The following EPHA10 variants were observed in gnomAD, a reference collection of about 807,000 sequenced individuals.
EPHA10 encodes the protein ephrin type-A receptor 10.
A neutral mutation model predicts 109.7 loss-of-function variants in EPHA10; 120 were observed. The observed-to-expected ratio is 1.09, with a 90% CI of 0.94 to 1.27. The LOEUF is 1.27. Ranked by LOEUF, EPHA10 falls within the 50% of genes most tolerant of loss-of-function variation. The pLI, the probability that EPHA10 is intolerant of heterozygous loss-of-function variation, is 0.00. For synonymous variants in EPHA10, 640 were observed against 618.9 expected (o/e 1.03, Z -0.51); for missense variants, 1,396 against 1,411.1 (o/e 0.99, Z 0.17).
chr1:37,733,325 G>C (rs533662176), intron 6 of EPHA10, among the ~76,000 whole-genome samples: 1 of 151,906 alleles, frequency 6.6e-6, no homozygotes, highest in Non-Finnish European at 1.5e-5. Context: ...GGGCTCAAGC[G>C]ATCTTCCTGC....
chr1:37,763,431 C>G (rs590954), intron 1 of EPHA10, among the ~76,000 whole-genome samples: 7 of 152,168 alleles, frequency 4.6e-5, no homozygotes, highest in Non-Finnish European at 1.0e-4. Flanking sequence ...TCTAAAACAA[C>G]CTCTCCATCT....
At chr1:37,736,856 C>T (rs963696925) in intron 5 of EPHA10, among the ~76,000 whole-genome samples, 18 of 152,042 alleles carry the variant, frequency 1.2e-4, no homozygotes, top group African/African-American at 4.3e-4. Flanking sequence ...ACGATAGCAT[C>T]AAAAATAATA....
intron 11 of EPHA10, 74 bp from the exon 12 acceptor site, chr1:37,720,918 G>A (rs1645783634): frequency 6.7e-7 from 1 of 1,497,086 alleles, no homozygotes; most frequent in Admixed American, 1.7e-5. Flanking sequence ...TCCCCCCCAG[G>A]GTCCCAGACT....
chr1:37,725,210 A>G (rs569492625), intron 8 of EPHA10, among the ~76,000 whole-genome samples: 2 of 152,114 alleles, frequency 1.3e-5, no homozygotes, highest in African/African-American at 4.8e-5. Flanking sequence ...AACTGGATTA[A>G]GTATTGGGGT....
In EPHA10 at chr1:37,731,417, C is replaced by A; in HGVS notation, c.1657G>T (p.Gly553Trp). 6.2e-7 allele frequency: 1 copy of A among 1,606,166 alleles called. No individual in the cohort carries two copies. Among genetic ancestry groups the A allele is most frequent in the Non-Finnish European group, 8.5e-7 (1 of 1,175,518 alleles). The change falls in exon 7 of 17, where the codon GGG (glycine) becomes TGG (tryptophan). Residue 553 changes from glycine to tryptophan, a missense_variant. Transcript: ENST00000373048. ...ACTCACACACACTACTTACCCTCCC[C>A]CAGGGTCTGTACTTCAATGCTGGGG... ...FNPSIEVQTL[G>W]EAASGSRDQS...
intron 5 of EPHA10, among the ~76,000 whole-genome samples, chr1:37,750,927 C>T (rs903595434): frequency 5.9e-5 from 9 of 151,972 alleles, no homozygotes; most frequent in Admixed American, 1.3e-4. Context: ...TATTGGTAGC[C>T]GGGCGCAGTG....
chr1:37,744,663 GA>G (rs35146993), intron 5 of EPHA10, among the ~76,000 whole-genome samples: 2,390 of 147,180 alleles, frequency 0.016, 61 homozygotes, highest in African/African-American at 0.056. Flanking sequence ...CCATCTTGGG[GA>G]AAAAAAAAAA....
chr1:37,722,981 G>A lies in EPHA10; in HGVS notation c.1960+60C>T, dbSNP rs148917854. On this transcript the variant is annotated intron_variant, in intron 10 of 16. Coordinates refer to ENST00000373048, the MANE Select transcript of EPHA10 (RefSeq NM_001099439.2). ...AGAGGTGTGGACAGAGTAGGGGCGGGGCCTATAGAGTGGGTGAGGCTTCCA... is the reference window on the plus strand; with the variant it reads ...AGAGGTGTGGACAGAGTAGGGGCGGAGCCTATAGAGTGGGTGAGGCTTCCA... The A allele has an allele frequency of 1.5e-4, 248 of 1,612,350 alleles. 1 individual carries two copies. In the African/African-American group the frequency reaches 2.8e-3, roughly 18 times the overall value.
In EPHA10 at chr1:37,754,196, G is replaced by C. The variant is rs1384567155; in HGVS notation, c.1006+19C>G. The C allele has an allele frequency of 2.3e-6, 3 of 1,282,376 alleles. No homozygotes were observed. The highest frequency in any genetic ancestry group is 2.0e-6 in the Non-Finnish European group (2 of 1,007,526). 79.4% of individuals were successfully genotyped at this position (1,282,376 alleles called of 1,614,324 possible). A position where few individuals can be genotyped will look rare whatever the true frequency, so the allele number is the denominator to read the frequency against. Reference sequence around the variant, plus strand: ...CCCACCCCCCACCCTCCGCAGTGCAGCCTGGAGGGGGGACTCACGGGTGCA... The same window carrying C: ...CCCACCCCCCACCCTCCGCAGTGCACCCTGGAGGGGGGACTCACGGGTGCA... On this transcript the variant is annotated intron_variant, in intron 4 of 16. Coordinates refer to ENST00000373048, the MANE Select transcript of EPHA10 (RefSeq NM_001099439.2). The surrounding 1 kb of genome is among the most constrained non-coding windows in gnomAD (Gnocchi z 4.5).
chr1:37,714,764 A>T (rs771200594), downstream of EPHA10: 1 of 152,348 alleles, frequency 6.6e-6, no homozygotes, highest in Non-Finnish European at 1.5e-5. Flanking sequence ...GAGTGGGAAG[A>T]TGGCCACAGG....
intron 5 of EPHA10, among the ~76,000 whole-genome samples, chr1:37,752,031 G>C (rs1255985797): frequency 6.6e-6 from 1 of 152,168 alleles, no homozygotes; most frequent in African/African-American, 2.4e-5. Context: ...GCCAAAGACA[G>C]AAGCGGGATC....
intron 11 of EPHA10, among the ~76,000 whole-genome samples, chr1:37,721,099 T>C (rs912443417): frequency 6.6e-6 from 1 of 151,924 alleles, no homozygotes; most frequent in African/African-American, 2.4e-5. Context: ...CTAGGAGTGA[T>C]ATTCTAGGGG....
intron 15 of EPHA10, 46 bp from the exon 16 acceptor site, chr1:37,718,862 C>T: frequency 6.4e-7 from 1 of 1,561,286 alleles, no homozygotes; most frequent in Non-Finnish European, 8.7e-7. Context: ...GGGATCTGGG[C>T]CCACACCTGG....
intron 13 of EPHA10, 54 bp downstream of exon 13, chr1:37,720,297 G>C: frequency 6.5e-7 from 1 of 1,536,302 alleles, no homozygotes; most frequent in Non-Finnish European, 8.8e-7. Context: ...GGGCTCCAGG[G>C]CAGCTTGGTG....
intron 1 of EPHA10, 146 bp from the exon 2 acceptor site, chr1:37,762,995 A>C: frequency 1.4e-6 from 1 of 709,422 alleles, no homozygotes. Context: ...CACTCCATAC[A>C]TCCCCAGGAG....
At chr1:37,735,134 A>C in intron 6 of EPHA10, 123 bp downstream of exon 6, 1 of 1,292,844 alleles carries the variant, frequency 7.7e-7, no homozygotes, top group Non-Finnish European at 1.1e-6. Flanking sequence ...CCCCTAGGAG[A>C]CGGGTGGTTA....
chr1:37,751,766 G>A (rs992322331), intron 5 of EPHA10, among the ~76,000 whole-genome samples: 2 of 151,630 alleles, frequency 1.3e-5, no homozygotes, highest in African/African-American at 2.4e-5. Context: ...CCAGCTACTC[G>A]GGAGGCTAAG....
intron 8 of EPHA10, among the ~76,000 whole-genome samples, chr1:37,726,453 G>T (rs996399121): frequency 1.3e-5 from 2 of 152,342 alleles, no homozygotes; most frequent in Non-Finnish European, 2.9e-5. Flanking sequence ...AGCCCGCCCA[G>T]CCTGGGACCC....
At chr1:37,729,214 A>T (rs1645941629) in intron 7 of EPHA10, among the ~76,000 whole-genome samples, 1 of 152,182 alleles carries the variant, frequency 6.6e-6, no homozygotes, top group South Asian at 2.1e-4. Flanking sequence ...CCCCCAGCTA[A>T]GCCCCGAGAT....
Sources: allele counts gnomAD v4.1 joint callset (sites outside exome capture counted in the v4.1 genomes callset), GRCh38; gene constraint gnomAD v4.1.1; non-coding constraint Gnocchi (gnomAD v3.1); transcripts MANE v1.5; gene names NCBI Gene and HGNC (gene_info 2026-07-23, HGNC 2026-07-21).